The following FAM227B variants were observed in gnomAD, a reference collection of about 807,000 sequenced individuals.
FAM227B encodes protein FAM227B.
In FAM227B, 88 loss-of-function variants were observed where a neutral mutation model predicts 73.8. That is an observed-to-expected ratio of 1.19 (90% CI 1.00 to 1.42). The LOEUF (loss-of-function observed/expected upper bound fraction) is 1.42, where lower values mean the gene tolerates loss of function less well. Among genes scored for constraint, FAM227B ranks in the 40% most tolerant of loss-of-function variants. FAM227B has a pLI of 0.00. For synonymous variants in FAM227B, 210 were observed against 190.5 expected, an observed-to-expected ratio of 1.10 and a Z score of -0.84; for missense variants, 632 against 590.9, an observed-to-expected ratio of 1.07 and a Z score of -0.72.
chr15:49,488,898 C>T (rs933791769), intron 11 of FAM227B: 7 of 152,028 alleles, frequency 4.6e-5, no homozygotes, highest in Middle Eastern at 3.4e-3. Context: ...TCATCTATCT[C>T]AATATTCAAC....
chr15:49,474,986 T>G (rs551393000), intron 11 of FAM227B, among the ~76,000 whole-genome samples: 1 of 131,432 alleles, frequency 7.6e-6, no homozygotes, highest in East Asian at 2.4e-4. Context: ...ATATTTAAAA[T>G]TCAAACTATA....
chr15:49,589,381 GT>G (rs2076386372), intron 4 of FAM227B, among the ~76,000 whole-genome samples: 1 of 152,020 alleles, frequency 6.6e-6, no homozygotes, highest in South Asian at 2.1e-4. Flanking sequence ...AAGCTTAACA[GT>G]TTAACAACTG....
intron 11 of FAM227B, among the ~76,000 whole-genome samples, chr15:49,411,473 T>A (rs1422503778): frequency 6.6e-6 from 1 of 152,124 alleles, no homozygotes; most frequent in Non-Finnish European, 1.5e-5. Context: ...GGTTTCATAT[T>A]TGATGACACT....
intron 3 of FAM227B, among the ~76,000 whole-genome samples, chr15:49,604,332 T>C (rs2077379269): frequency 6.7e-6 from 1 of 149,956 alleles, no homozygotes; most frequent in Non-Finnish European, 1.5e-5. Context: ...TGCCAGGTTA[T>C]CAAATTCTTT....
In FAM227B at chr15:49,345,953, G is replaced by A. The variant is rs112749765; in HGVS notation, c.1272-10457C>T. 5.1e-3 allele frequency among the ~76,000 whole-genome samples: 771 copies of A among 152,162 alleles called. 7 individuals are homozygous for A. Among genetic ancestry groups the A allele is most frequent in the African/African-American group, 0.017 (726 of 41,498 alleles). On this transcript the variant is annotated intron_variant, in intron 13 of 15. Coordinates refer to ENST00000299338, the MANE Select transcript of FAM227B (RefSeq NM_152647.3). ...AAAGAATGGCCCAGGGGCAAATTTCGTACTTATCTGCCAAAAGTATTGTCC... is the reference window on the plus strand; with the variant it reads ...AAAGAATGGCCCAGGGGCAAATTTCATACTTATCTGCCAAAAGTATTGTCC...
intron 11 of FAM227B, among the ~76,000 whole-genome samples, chr15:49,496,931 T>TCA (rs147133019): frequency 0.042 from 5,941 of 142,068 alleles, 146 homozygotes; most frequent in African/African-American, 0.073. Flanking sequence ...ATACACAAAG[T>TCA]CACACACACA....
intron 11 of FAM227B, among the ~76,000 whole-genome samples, chr15:49,371,625 T>G (rs1184294786): frequency 6.6e-6 from 1 of 151,384 alleles, no homozygotes; most frequent in Non-Finnish European, 1.5e-5. Context: ...CATTTATAAA[T>G]AAATGAAATA....
rs137903596 is a variant in FAM227B, at chr15:49,524,438, T to C, written c.875-16090A>G. On this transcript the variant is annotated intron_variant, in intron 10 of 15. Coordinates refer to ENST00000299338, the MANE Select transcript of FAM227B (RefSeq NM_152647.3). ...TTTGGGAACGTCCGCCTAGATTTCA[T>C]AGGATGTATGGAAATGCCTCGATAC... 7.9e-5 allele frequency among the ~76,000 whole-genome samples: 12 copies of C among 152,286 alleles called. No individual in the cohort carries two copies. In the East Asian group the frequency reaches 1.2e-3, roughly 15 times the overall value.
intron 13 of FAM227B, among the ~76,000 whole-genome samples, chr15:49,352,680 C>G (rs2151312611): frequency 6.6e-6 from 1 of 152,130 alleles, no homozygotes; most frequent in Admixed American, 6.5e-5. Flanking sequence ...CATCCTTTTC[C>G]CTAAAGATAA....
At position 49,611,360 on chromosome 15, in the gene FAM227B, CTA is replaced by C. The variant is rs2077904479; in HGVS notation, c.52-94_52-93del. The C allele has an allele frequency of 4.6e-6, 3 of 649,578 alleles. No individual in the cohort carries two copies. The East Asian group carries it at 8.7e-5, about 19-fold the overall frequency. 40.2% of individuals were successfully genotyped at this position (649,578 alleles called of 1,614,324 possible). ...TAATTTACTTAAATAAAATGATACT[CTA>C]TTTATCATTTTCAGAGCGGTAAGAT... On this transcript the variant is annotated intron_variant, in intron 2 of 15. Transcript: ENST00000299338.
At chr15:49,473,132 A>C (rs926811531) in intron 11 of FAM227B, among the ~76,000 whole-genome samples, 8 of 152,092 alleles carry the variant, frequency 5.3e-5, no homozygotes, top group Non-Finnish European at 1.2e-4. Flanking sequence ...TATTTTTTCA[A>C]TTTAGAAAAG....
chr15:49,572,744 T>C lies in FAM227B; in HGVS notation c.645+2267A>G, dbSNP rs577675334. Among the ~76,000 whole-genome samples, 290 of 152,238 alleles carry C rather than the reference T, an allele frequency of 1.9e-3. 1 individual carries two copies. The highest frequency in any genetic ancestry group is 0.01 in the Middle Eastern group (3 of 294). Reference sequence around the variant, plus strand: ...TGCTTGGGAATAGGCATTCCTCTTCTTTTGCTAAGCCTTTAGGAGCTGGAC... The same window carrying C: ...TGCTTGGGAATAGGCATTCCTCTTCCTTTGCTAAGCCTTTAGGAGCTGGAC... On this transcript the variant is annotated intron_variant, in intron 8 of 15. Transcript: ENST00000299338.
chr15:49,374,763 C>A (rs1039755551), intron 11 of FAM227B, among the ~76,000 whole-genome samples: 1 of 152,142 alleles, frequency 6.6e-6, no homozygotes, highest in African/African-American at 2.4e-5. Context: ...AGGCTGGTCT[C>A]GAACTCCTGA....
intron 11 of FAM227B, among the ~76,000 whole-genome samples, chr15:49,414,672 G>A (rs1291543460): frequency 1.3e-5 from 2 of 151,850 alleles, no homozygotes; most frequent in African/African-American, 2.4e-5. Flanking sequence ...AGGTGGATTA[G>A]GAATAGAATT....
intron 5 of FAM227B, among the ~76,000 whole-genome samples, chr15:49,585,001 AC>A (rs1301448938): frequency 2.6e-5 from 4 of 151,632 alleles, no homozygotes; most frequent in African/African-American, 9.8e-5. Context: ...CAAGAAAAAA[AC>A]AAACAACCCC....
chr15:49,452,336 A>G (rs1206364129), intron 11 of FAM227B, among the ~76,000 whole-genome samples: 1 of 152,168 alleles, frequency 6.6e-6, no homozygotes, highest in Non-Finnish European at 1.5e-5. Context: ...TACAGGTGTG[A>G]GCCACTGCAC....
intron 14 of FAM227B, among the ~76,000 whole-genome samples, chr15:49,332,107 AC>A (rs2038898210): frequency 6.7e-6 from 1 of 148,574 alleles, no homozygotes; most frequent in African/African-American, 2.6e-5. Context: ...ACACACACAC[AC>A]ACACACACAC....
chr15:49,549,187 T>C (rs79582771), intron 9 of FAM227B, among the ~76,000 whole-genome samples: 1,760 of 152,220 alleles, frequency 0.012, 16 homozygotes, highest in Middle Eastern at 0.037. Context: ...TCCATGGATT[T>C]TGGCATGTTG....
At chr15:49,594,214 T>C (rs890656432) in intron 3 of FAM227B, among the ~76,000 whole-genome samples, 2 of 152,162 alleles carry the variant, frequency 1.3e-5, no homozygotes, top group Non-Finnish European at 2.9e-5. Context: ...TTTTGGCCAT[T>C]TGTATATCTT....
Sources: gnomAD v4.1 joint callset for allele counts (sites outside exome capture counted in the v4.1 genomes callset) on GRCh38, gnomAD v4.1.1 for gene constraint, MANE v1.5 for transcripts, NCBI Gene and HGNC (gene_info 2026-07-23, HGNC 2026-07-21) for gene names.